Variants in C12orf75 observed in about 807,000 individuals in gnomAD.
The protein encoded by C12orf75 is overexpressed in colon carcinoma 1 protein.
C12orf75 carries 4 observed loss-of-function variants against 11.4 expected under a neutral mutation model. The ratio of observed to expected loss-of-function variants is 0.35; its 90% CI spans 0.17 to 0.80. The LOEUF is 0.80. Ranked by LOEUF, C12orf75 falls within the 30% of genes least tolerant of loss-of-function variation. The pLI, the probability that C12orf75 is intolerant of heterozygous loss-of-function variation, is 0.52. For synonymous variants in C12orf75, 30 were observed against 30.0 expected, an observed-to-expected ratio of 1.00 and a Z score of 0.00; for missense variants, 89 against 80.4, an observed-to-expected ratio of 1.11 and a Z score of -0.41.
At chr12:105,352,295 G>A (rs1566139412) in intron 2 of C12orf75, among the ~76,000 whole-genome samples, 1 of 152,142 alleles carries the variant, frequency 6.6e-6, no homozygotes, top group African/African-American at 2.4e-5. Flanking sequence ...AAGTCAAAGT[G>A]GAAGTGAGCC....
At chr12:105,365,190 C>T (rs1218534130) in intron 2 of C12orf75, among the ~76,000 whole-genome samples, 2 of 152,078 alleles carry the variant, frequency 1.3e-5, no homozygotes, top group East Asian at 1.9e-4. Context: ...TAGTGATCCC[C>T]TCTAAATGTA....
At chr12:105,333,541 A>G (rs1892463333) in intron 1 of C12orf75, among the ~76,000 whole-genome samples, 1 of 152,186 alleles carries the variant, frequency 6.6e-6, no homozygotes, top group Non-Finnish European at 1.5e-5. Flanking sequence ...AAAAATGTAC[A>G]AAGAGATTGT....
intron 2 of C12orf75, among the ~76,000 whole-genome samples, chr12:105,359,831 G>C (rs1892835799): frequency 6.6e-6 from 1 of 151,508 alleles, no homozygotes; most frequent in African/African-American, 2.4e-5. Context: ...CCTGGTTGCT[G>C]TATGTCCATT....
chr12:105,368,121 A>AG (rs1871529345), intron 5 of C12orf75, among the ~76,000 whole-genome samples: 1 of 102,236 alleles, frequency 9.8e-6, no homozygotes, highest in Non-Finnish European at 1.8e-5. Flanking sequence ...AATTATAATA[A>AG]GAAACAAGAA....
rs144243756 is a variant in C12orf75, at chr12:105,345,224, C to T, written c.47-3378C>T. Among the ~76,000 whole-genome samples, 402 of 152,262 alleles carry T rather than the reference C, an allele frequency of 2.6e-3. 6 individuals are homozygous for T. Among genetic ancestry groups the T allele is most frequent in the African/African-American group, 9.0e-3 (374 of 41,572 alleles). On this transcript the variant is annotated intron_variant, in intron 1 of 5. Transcript: ENST00000443585. ...AGAAGTCAGGCCAGGTGTGGTGGCT[C>T]ATGTCTGTAACCCTAACACTTTGGG...
intron 1 of C12orf75, among the ~76,000 whole-genome samples, chr12:105,338,926 G>A (rs976679211): frequency 3.9e-5 from 6 of 152,156 alleles, no homozygotes; most frequent in South Asian, 2.1e-4. Flanking sequence ...CAACAAGGAC[G>A]ACCTATAAAA....
At chr12:105,341,774 A>G (rs1454884744) in intron 1 of C12orf75, among the ~76,000 whole-genome samples, 2 of 152,232 alleles carry the variant, frequency 1.3e-5, no homozygotes, top group South Asian at 2.1e-4. Flanking sequence ...TCTCCACCCA[A>G]ATCTCACCTT....
intron 2 of C12orf75, among the ~76,000 whole-genome samples, chr12:105,362,463 T>A (rs541406928): frequency 6.9e-6 from 1 of 144,240 alleles, no homozygotes; most frequent in African/African-American, 2.6e-5. Flanking sequence ...GTCAGGAGAT[T>A]GAGACCATCC....
chr12:105,357,815 AGAGAGAGAGAGAGAG>A (rs1258049439), intron 2 of C12orf75, among the ~76,000 whole-genome samples: 1 of 118,896 alleles, frequency 8.4e-6, no homozygotes, highest in East Asian at 2.0e-4. Context: ...TGTGAGAGAG[AGAGAGAGAGAGAGAG>A]GAGAGAGAGA....
chr12:105,368,318 T>C (rs1222509888), intron 5 of C12orf75, among the ~76,000 whole-genome samples: 1 of 152,138 alleles, frequency 6.6e-6, no homozygotes, highest in Non-Finnish European at 1.5e-5. Flanking sequence ...CCAACCTCTT[T>C]TGAGGCCTCC....
At chr12:105,359,592 G>A (rs1892832033) in intron 2 of C12orf75, among the ~76,000 whole-genome samples, 1 of 151,980 alleles carries the variant, frequency 6.6e-6, no homozygotes, top group African/African-American at 2.4e-5. Flanking sequence ...CCAACATGGT[G>A]AGACCCCGTC....
chr12:105,363,749 CATCTT>C (rs920341160), intron 2 of C12orf75, among the ~76,000 whole-genome samples: 65 of 151,238 alleles, frequency 4.3e-4, no homozygotes, highest in African/African-American at 1.4e-3. Flanking sequence ...AAAGAGTGGA[CATCTT>C]ATAAGTCTTT....
chr12:105,370,366 A>G (rs1871593423), intron 5 of C12orf75, among the ~76,000 whole-genome samples: 1 of 152,206 alleles, frequency 6.6e-6, no homozygotes, highest in Non-Finnish European at 1.5e-5. Flanking sequence ...ATATACATGC[A>G]GCTAGGTTTG....
At chr12:105,342,632 G>C (rs912732162) in intron 1 of C12orf75, among the ~76,000 whole-genome samples, 10 of 152,176 alleles carry the variant, frequency 6.6e-5, no homozygotes, top group Non-Finnish European at 1.0e-4. Context: ...GCAGGGTGGA[G>C]CTCAATGTTC....
chr12:105,356,020 A>T (rs1158044688), intron 2 of C12orf75, among the ~76,000 whole-genome samples: 1 of 152,220 alleles, frequency 6.6e-6, no homozygotes, highest in Non-Finnish European at 1.5e-5. Flanking sequence ...ATATTGGCCA[A>T]TGGGCTCATC....
chr12:105,344,638 C>T (rs888094367), intron 1 of C12orf75, among the ~76,000 whole-genome samples: 5 of 151,830 alleles, frequency 3.3e-5, no homozygotes, highest in Admixed American at 1.3e-4. Context: ...TCCAGCTACT[C>T]AGGAGGCTGA....
chr12:105,330,831 C>A lies in C12orf75; in HGVS notation c.-61C>A. 8.1e-7 allele frequency: 1 copy of A among 1,237,472 alleles called. No individual in the cohort carries two copies. Among genetic ancestry groups the A allele is most frequent in the South Asian group, 3.4e-5 (1 of 29,356 alleles). 76.7% of individuals were successfully genotyped at this position (1,237,472 alleles called of 1,614,324 possible). ...GGGGTGCGCCGCCCTTCGTCTGGGT[C>A]TCCGCCCCCAGGACCCGCGGCCGAG... is the stretch of plus-strand genomic sequence containing the variant. On this transcript the variant is annotated 5_prime_UTR_variant, in exon 1 of 6. Coordinates refer to ENST00000443585, the MANE Select transcript of C12orf75 (RefSeq NM_001145199.2).
rs560676686 is a variant in C12orf75, at chr12:105,364,263, A to T, written c.72-1544A>T. On this transcript the variant is annotated intron_variant, in intron 2 of 5. Transcript: ENST00000443585. ...TCCATTTTAATTAAAAGTAGTGAAC[A>T]ACTCTCTCTTATACCACATCAATAA... Among the ~76,000 whole-genome samples the T allele has an allele frequency of 2.6e-5, 4 of 152,342 alleles. No individual in the cohort carries two copies. In the East Asian group the frequency reaches 7.7e-4, roughly 29 times the overall value.
chr12:105,365,057 G>T (rs549830376), intron 2 of C12orf75, among the ~76,000 whole-genome samples: 4 of 151,796 alleles, frequency 2.6e-5, no homozygotes, highest in Admixed American at 6.6e-5. Context: ...AGCTGGTCTC[G>T]AACTCCTGAC....
Sources: allele counts gnomAD v4.1 joint callset (sites outside exome capture counted in the v4.1 genomes callset), GRCh38; gene constraint gnomAD v4.1.1; transcripts MANE v1.5; gene names NCBI Gene and HGNC (gene_info 2026-07-23, HGNC 2026-07-21).